SNX9: variants seen among roughly 807,000 people sequenced by gnomAD.
SNX9 encodes sorting nexin 9.
Under a neutral mutation model 89.4 loss-of-function variants are expected in SNX9, and 44 were observed. The ratio of observed to expected loss-of-function variants is 0.49; its 90% CI spans 0.39 to 0.63. The LOEUF (loss-of-function observed/expected upper bound fraction) is 0.63, where lower values mean the gene tolerates loss of function less well. Ranked by LOEUF, SNX9 falls within the 30% of genes least tolerant of loss-of-function variation. SNX9 has a pLI of 0.00. For missense variants in SNX9, 578 were observed against 736.1 expected (o/e 0.79, Z 2.49); for synonymous variants, 236 against 247.8 (o/e 0.95, Z 0.45).
At chr6:157,886,770 A>G (rs1197503548) in intron 4 of SNX9, among the ~76,000 whole-genome samples, 1 of 152,228 alleles carries the variant, frequency 6.6e-6, no homozygotes, top group African/African-American at 2.4e-5. Flanking sequence ...TTTTATAGCT[A>G]CTACAAATAG....
intron 1 of SNX9, chr6:157,830,350 A>G (rs562961104): frequency 6.6e-6 from 1 of 152,358 alleles, no homozygotes; most frequent in African/African-American, 2.4e-5. Context: ...TTCTCCTAGT[A>G]CAATGAAGGT....
intron 10 of SNX9, 63 bp from the exon 11 acceptor site, chr6:157,927,048 G>A: frequency 7.7e-7 from 1 of 1,292,992 alleles, no homozygotes; most frequent in East Asian, 2.3e-5. Flanking sequence ...GTCCTGTTTG[G>A]GAATTTTGAA....
chr6:157,909,216 A>G (rs1279529559), intron 7 of SNX9, among the ~76,000 whole-genome samples: 1 of 152,278 alleles, frequency 6.6e-6, no homozygotes, highest in Non-Finnish European at 1.5e-5. Context: ...TAGGTACAGT[A>G]CATGAGAATA....
intron 4 of SNX9, among the ~76,000 whole-genome samples, chr6:157,884,614 C>T (rs1014410783): frequency 6.6e-6 from 1 of 151,850 alleles, no homozygotes; most frequent in Non-Finnish European, 1.5e-5. Context: ...CGTATGAATT[C>T]TTTTTAGTTG....
rs16900506 is a variant in SNX9 at position 157,908,971 on chromosome 6, G to A, written c.706-694G>A. On this transcript the variant is annotated intron_variant, in intron 7 of 17. Transcript: ENST00000392185. ...ATACCCGGGGGTTGGAAGTGAGCCA[G>A]CCCACTGTGCTTAGGCACATAGCAG... Among the ~76,000 whole-genome samples the A allele has an allele frequency of 9.3e-3, 1,419 of 152,314 alleles. 16 individuals are homozygous for A. The highest frequency in any genetic ancestry group is 0.033 in the African/African-American group (1,359 of 41,564).
chr6:157,867,328 C>T (rs894898200), intron 1 of SNX9, among the ~76,000 whole-genome samples: 33 of 152,196 alleles, frequency 2.2e-4, no homozygotes, highest in African/African-American at 8.0e-4. Flanking sequence ...CAGAAACCTT[C>T]CCTGCCTCCG....
chr6:157,925,265 T>TCACAAGGGGAGA (rs1298089706), intron 10 of SNX9, among the ~76,000 whole-genome samples: 28 of 151,074 alleles, frequency 1.9e-4, no homozygotes, highest in African/African-American at 6.7e-4. Flanking sequence ...CTAATCTCAT[T>TCACAAGGGGAGA]AGCAATCAAT....
intron 10 of SNX9, among the ~76,000 whole-genome samples, chr6:157,925,563 C>T (rs946057336): frequency 1.3e-5 from 2 of 151,916 alleles, no homozygotes; most frequent in African/African-American, 4.9e-5. Flanking sequence ...AGGGTGGCTA[C>T]CAGTAGTAGA....
intron 4 of SNX9, among the ~76,000 whole-genome samples, chr6:157,884,334 G>A (rs931994265): frequency 2.0e-5 from 3 of 152,102 alleles, no homozygotes; most frequent in African/African-American, 7.2e-5. Context: ...GGAAGGCAAT[G>A]GTAATTTTAT....
chr6:157,873,050 A>G, intron 2 of SNX9, 52 bp from the exon 3 acceptor site: 1 of 1,458,056 alleles, frequency 6.9e-7, no homozygotes, highest in African/African-American at 1.4e-5. Context: ...TTTCTCCAGG[A>G]AATCTCAACT....
intron 1 of SNX9, among the ~76,000 whole-genome samples, chr6:157,833,058 C>T (rs1781505737): frequency 6.6e-6 from 1 of 152,098 alleles, no homozygotes; most frequent in Non-Finnish European, 1.5e-5. Flanking sequence ...TGGATCCTCC[C>T]TAGGACAGTT....
At chr6:157,937,212 C>T (rs1216066529) in intron 14 of SNX9, among the ~76,000 whole-genome samples, 5 of 152,210 alleles carry the variant, frequency 3.3e-5, no homozygotes, top group Admixed American at 6.5e-5. Flanking sequence ...TACAAACCAA[C>T]TTAAAAATTA....
chr6:157,834,492 G>A (rs552947869), intron 1 of SNX9, among the ~76,000 whole-genome samples: 6 of 150,920 alleles, frequency 4.0e-5, no homozygotes, highest in Admixed American at 4.0e-4. Flanking sequence ...GACTACAGCT[G>A]TGTGCCACCC....
At chr6:157,869,396 G>T (rs1007221593) in intron 2 of SNX9, among the ~76,000 whole-genome samples, 2 of 152,066 alleles carry the variant, frequency 1.3e-5, no homozygotes, top group Non-Finnish European at 2.9e-5. Context: ...CACTGACCAC[G>T]TCCAGACTCA....
At chr6:157,892,978 C>A (rs1387846664) in intron 4 of SNX9, among the ~76,000 whole-genome samples, 1 of 152,202 alleles carries the variant, frequency 6.6e-6, no homozygotes, top group Non-Finnish European at 1.5e-5. Context: ...CATTTCACAG[C>A]CGGTCCTTGA....
intron 13 of SNX9, among the ~76,000 whole-genome samples, chr6:157,933,300 A>C (rs183973814): frequency 6.7e-6 from 1 of 148,672 alleles, no homozygotes; most frequent in Admixed American, 6.6e-5. Context: ...TCTCAAGAAA[A>C]AAAGAAGAAA....
chr6:157,826,502 G>GGAAAA (rs1554290484), intron 1 of SNX9, among the ~76,000 whole-genome samples: 1 of 78,040 alleles, frequency 1.3e-5, no homozygotes, highest in African/African-American at 4.2e-5. Context: ...TCCATCTCAA[G>GGAAAA]AAAAAAAAAA....
At chr6:157,901,289 G>A (rs1330770140) in intron 5 of SNX9, among the ~76,000 whole-genome samples, 2 of 152,154 alleles carry the variant, frequency 1.3e-5, no homozygotes, top group East Asian at 1.9e-4. Flanking sequence ...CCAGCCCATA[G>A]GCTACCTTTT....
Position 157,910,021 on chromosome 6 carries a change from C to T in SNX9, c.945C>T (p.Val315=). 1 of 1,610,946 alleles carries T rather than the reference C, an allele frequency of 6.2e-7. No individual in the cohort carries two copies. Among genetic ancestry groups the T allele is most frequent in the African/African-American group, 1.3e-5 (1 of 74,978 alleles). Residue 315 remains valine (V), a synonymous_variant, in exon 9 of 18, where the codon GTC becomes GTT. Transcript: ENST00000392185. The part of the protein sequence containing the change: ...IPIPSLPDKQ[V]TGRFEEEFIK... ...TCCCTTCTCTTCCAGACAAACAAGT[C>T]ACAGGTGAGTGTGTGTAATGCTAAA... is the stretch of plus-strand genomic sequence containing the variant.
Sources: gnomAD v4.1 joint callset for allele counts (sites outside exome capture counted in the v4.1 genomes callset) on GRCh38, gnomAD v4.1.1 for gene constraint, MANE v1.5 for transcripts, NCBI Gene and HGNC (gene_info 2026-07-23, HGNC 2026-07-21) for gene names.